Variants in HCN1 observed in about 807,000 individuals in gnomAD.
HCN1 encodes hyperpolarization activated cyclic nucleotide gated potassium channel 1, also known as potassium/sodium hyperpolarization-activated cyclic nucleotide-gated channel 1.
HCN1 carries 13 observed loss-of-function variants against 78.9 expected under a neutral mutation model. The observed-to-expected ratio is 0.16, with a 90% CI of 0.11 to 0.26. The LOEUF is 0.26. Among genes scored for constraint, HCN1 ranks in the 10% least tolerant of loss-of-function variants. HCN1 has a pLI of 1.00. For synonymous variants in HCN1, 552 were observed against 455.5 expected, an observed-to-expected ratio of 1.21 and a Z score of -2.70; for missense variants, 810 against 1,154.3, an observed-to-expected ratio of 0.70 and a Z score of 4.32.
intron 2 of HCN1, among the ~76,000 whole-genome samples, chr5:45,482,936 T>A (rs1055503023): frequency 2.6e-4 from 39 of 152,204 alleles, no homozygotes; most frequent in African/African-American, 9.4e-4. Context: ...AAACATATGA[T>A]TTCATTTCTT....
At position 45,262,232 on chromosome 5, in the gene HCN1, C is replaced by T; in HGVS notation, c.2362G>A (p.Ala788Thr). 1 of 1,614,006 alleles carries T rather than the reference C, an allele frequency of 6.2e-7. No individual in the cohort carries two copies. Among genetic ancestry groups the T allele is most frequent in the South Asian group, 1.1e-5 (1 of 91,086 alleles). Reference protein sequence around the residue: ...NLTREVRPLSASQPSLPHEVS... With the variant: ...NLTREVRPLSTSQPSLPHEVS... The stretch of plus-strand genomic sequence containing the variant: ...TCATGGGGCAGCGAGGGCTGCGAGG[C>T]GGAGAGTGGCCTGACTTCCCGGGTC... The change falls in exon 8 of 8, where the codon GCC becomes ACC. Residue 788 changes from alanine (A) to threonine (T), a missense_variant. This residue lies in a region of HCN1 where 398 missense variants were observed against 381.3 expected (regional missense o/e 1.04). Transcript: ENST00000303230.
intron 3 of HCN1, among the ~76,000 whole-genome samples, chr5:45,414,122 C>T (rs894018255): frequency 8.9e-4 from 136 of 152,064 alleles, no homozygotes; most frequent in African/African-American, 3.2e-3. Context: ...ATTAGCCTAT[C>T]ATAACATAAA....
chr5:45,323,268 T>A (rs954485163), intron 5 of HCN1, among the ~76,000 whole-genome samples: 1 of 151,882 alleles, frequency 6.6e-6, no homozygotes, highest in African/African-American at 2.4e-5. Context: ...TCACGAATGA[T>A]GTTCTTATAT....
intron 6 of HCN1, among the ~76,000 whole-genome samples, chr5:45,269,351 T>C (rs2111850241): frequency 6.6e-6 from 1 of 152,310 alleles, no homozygotes; most frequent in East Asian, 1.9e-4. Context: ...TTTGTTTTTA[T>C]TTTTTATCTT....
At chr5:45,587,204 T>C (rs2111936532) in intron 2 of HCN1, among the ~76,000 whole-genome samples, 1 of 152,306 alleles carries the variant, frequency 6.6e-6, no homozygotes, top group Non-Finnish European at 1.5e-5. Context: ...ACTGGGTATA[T>C]ACCCAAAGGA....
intron 5 of HCN1, among the ~76,000 whole-genome samples, chr5:45,322,057 A>T (rs1746137065): frequency 6.6e-6 from 1 of 151,936 alleles, no homozygotes; most frequent in Admixed American, 6.6e-5. Context: ...TCAGCATTAT[A>T]TTGGTAAATA....
chr5:45,476,317 T>C (rs181581080), intron 2 of HCN1, among the ~76,000 whole-genome samples: 1 of 152,138 alleles, frequency 6.6e-6, no homozygotes, highest in Admixed American at 6.6e-5. Context: ...GAAATCACTA[T>C]GCATTGTTTA....
intron 2 of HCN1, among the ~76,000 whole-genome samples, chr5:45,588,749 C>A (rs1246757705): frequency 6.6e-6 from 1 of 152,136 alleles, no homozygotes; most frequent in Non-Finnish European, 1.5e-5. Context: ...CACCCAGAAA[C>A]CTCTGCTTTT....
At chr5:45,617,666 T>C (rs1054695819) in intron 2 of HCN1, among the ~76,000 whole-genome samples, 6 of 152,078 alleles carry the variant, frequency 3.9e-5, no homozygotes, top group Non-Finnish European at 7.4e-5. Flanking sequence ...TTTTGTAAAA[T>C]TGAGAGAAAA....
At position 45,375,772 on chromosome 5, in the gene HCN1, C is replaced by A. The variant is rs1398002146; in HGVS notation, c.1230+20720G>T. 3.2e-3 allele frequency among the ~76,000 whole-genome samples: 302 copies of A among 94,570 alleles called. 1 individual carries two copies. The highest frequency in any genetic ancestry group is 9.1e-3 in the African/African-American group (209 of 22,922). 62.0% of individuals were successfully genotyped at this position (94,570 alleles called of 152,430 possible). A position where few individuals can be genotyped will look rare whatever the true frequency, so the allele number is the denominator to read the frequency against. ...TATAATATCATATTTTATGATATATCTTATATATAATATAATATTTTATGA... is the reference window on the plus strand; with the variant it reads ...TATAATATCATATTTTATGATATATATTATATATAATATAATATTTTATGA... On this transcript the variant is annotated intron_variant, in intron 4 of 7. Coordinates refer to ENST00000303230, the MANE Select transcript of HCN1 (RefSeq NM_021072.4).
intron 6 of HCN1, among the ~76,000 whole-genome samples, chr5:45,281,942 G>T (rs1745178355): frequency 6.6e-6 from 1 of 151,964 alleles, no homozygotes; most frequent in Non-Finnish European, 1.5e-5. Flanking sequence ...AATGTTAAAA[G>T]ATTCACATAC....
rs542900843 is a variant in HCN1, at chr5:45,582,427, T to C, written c.849+62758A>G. ...ACCTTAAGGAGATTTTGGGCTGAGA[T>C]GATGGGGTTTTCTAGATATACAATC... On this transcript the variant is annotated intron_variant, in intron 2 of 7. Coordinates refer to ENST00000303230, the MANE Select transcript of HCN1 (RefSeq NM_021072.4). Among the ~76,000 whole-genome samples the C allele has an allele frequency of 1.3e-3, 191 of 152,218 alleles. 1 individual carries two copies. Among genetic ancestry groups the C allele is most frequent in the East Asian group, 7.7e-4 (4 of 5,186 alleles).
intron 2 of HCN1, among the ~76,000 whole-genome samples, chr5:45,490,382 T>C (rs1381446013): frequency 1.3e-5 from 2 of 152,210 alleles, no homozygotes; most frequent in Admixed American, 6.6e-5. Flanking sequence ...GACAAATTTA[T>C]GGGTTTTGCT....
intron 6 of HCN1, among the ~76,000 whole-genome samples, chr5:45,301,581 G>A (rs1745622476): frequency 6.6e-6 from 1 of 151,448 alleles, no homozygotes; most frequent in Non-Finnish European, 1.5e-5. Flanking sequence ...GGAAAGCAGG[G>A]CATGGGGACA....
At chr5:45,298,810 G>C (rs192803202) in intron 6 of HCN1, among the ~76,000 whole-genome samples, 1 of 152,000 alleles carries the variant, frequency 6.6e-6, no homozygotes, top group East Asian at 1.9e-4. Flanking sequence ...GTATGGAATG[G>C]GAGGGAAAGA....
At chr5:45,310,894 C>T (rs1270380966) in intron 5 of HCN1, among the ~76,000 whole-genome samples, 3 of 152,056 alleles carry the variant, frequency 2.0e-5, no homozygotes, top group African/African-American at 4.8e-5. Flanking sequence ...GCTATCATCC[C>T]TAGCAAATTA....
chr5:45,504,244 T>G (rs1579936433), intron 2 of HCN1, among the ~76,000 whole-genome samples: 1 of 152,126 alleles, frequency 6.6e-6, no homozygotes, highest in East Asian at 1.9e-4. Context: ...ATGCTTTCCC[T>G]CCCCTCTCCC....
intron 5 of HCN1, among the ~76,000 whole-genome samples, chr5:45,313,597 G>A (rs371716895): frequency 9.9e-5 from 15 of 152,160 alleles, no homozygotes; most frequent in South Asian, 2.1e-4. Context: ...CAAATCCACC[G>A]CAAAGAAGCT....
intron 4 of HCN1, among the ~76,000 whole-genome samples, chr5:45,388,387 C>T (rs11955343): frequency 0.016 from 2,441 of 152,214 alleles, 69 homozygotes; most frequent in African/African-American, 0.056. Context: ...ATATGCCTGT[C>T]CCGCTGTGTT....
Sources: gnomAD v4.1 joint callset for allele counts (sites outside exome capture counted in the v4.1 genomes callset) on GRCh38, gnomAD v4.1.1 for gene constraint, gnomAD v4.1.1 regional missense constraint, MANE v1.5 for transcripts, NCBI Gene and HGNC (gene_info 2026-07-23, HGNC 2026-07-21) for gene names.